Variants in ROCK2 observed in about 807,000 individuals in gnomAD.
The protein encoded by ROCK2 is Rho associated coiled-coil containing protein kinase 2.
ROCK2 carries 61 observed loss-of-function variants against 195.1 expected under a neutral mutation model. The observed-to-expected ratio is 0.31, with a 90% CI of 0.25 to 0.39. ROCK2 has a LOEUF of 0.39. ROCK2 is among the 10% of genes least tolerant of loss of function. The probability of loss-of-function intolerance (pLI) is 1.00; values close to 1 mark genes in which losing one functional copy is unlikely to be tolerated. For missense variants in ROCK2, 1,109 were observed against 1,637.4 expected, an observed-to-expected ratio of 0.68 and a Z score of 5.57; for synonymous variants, 504 against 545.5, an observed-to-expected ratio of 0.92 and a Z score of 1.06.
chr2:11,225,591 CA>C (rs1334466385), intron 6 of ROCK2, among the ~76,000 whole-genome samples: 1 of 152,092 alleles, frequency 6.6e-6, no homozygotes, highest in Non-Finnish European at 1.5e-5. Context: ...CTTCCTGCCT[CA>C]GCCTCCTGAA....
chr2:11,273,595 G>C (rs1450886249), intron 3 of ROCK2, among the ~76,000 whole-genome samples: 1 of 152,054 alleles, frequency 6.6e-6, no homozygotes, highest in Non-Finnish European at 1.5e-5. Context: ...ATGGAGTATG[G>C]AAATACAGTA....
intron 1 of ROCK2, among the ~76,000 whole-genome samples, chr2:11,303,591 ATGT>A (rs971522759): frequency 6.6e-6 from 1 of 152,076 alleles, no homozygotes; most frequent in Admixed American, 6.5e-5. Context: ...GCATGGAAAC[ATGT>A]TGTTATTTCT....
At chr2:11,272,762 C>T (rs1238669752) in intron 3 of ROCK2, among the ~76,000 whole-genome samples, 2 of 150,288 alleles carry the variant, frequency 1.3e-5, no homozygotes, top group South Asian at 2.1e-4. Context: ...CCCAGCTACT[C>T]GGGAGGCTGA....
chr2:11,337,194 G>A (rs543479206), intron 1 of ROCK2, among the ~76,000 whole-genome samples: 5 of 151,356 alleles, frequency 3.3e-5, no homozygotes, highest in African/African-American at 4.8e-5. Context: ...ACAGTGAACC[G>A]AGATTGTGCC....
chr2:11,326,699 G>T (rs1668560778), intron 1 of ROCK2, among the ~76,000 whole-genome samples: 1 of 152,170 alleles, frequency 6.6e-6, no homozygotes, highest in Non-Finnish European at 1.5e-5. Flanking sequence ...TTAAGAGAGA[G>T]ATTAAAGACA....
At chr2:11,202,332 CAT>C (rs1362273579) in intron 20 of ROCK2, among the ~76,000 whole-genome samples, 1 of 152,000 alleles carries the variant, frequency 6.6e-6, no homozygotes, top group Non-Finnish European at 1.5e-5. Flanking sequence ...CCTGAGGCCA[CAT>C]GACTTGTAAT....
chr2:11,274,181 A>C (rs932125687), intron 3 of ROCK2, among the ~76,000 whole-genome samples: 7 of 152,076 alleles, frequency 4.6e-5, no homozygotes, highest in African/African-American at 1.7e-4. Flanking sequence ...TTAAAAACGA[A>C]ACTTTACAAT....
intron 19 of ROCK2, 59 bp from the exon 20 acceptor site, chr2:11,207,969 T>C (rs1664113911): frequency 1.6e-6 from 2 of 1,265,408 alleles, no homozygotes; most frequent in South Asian, 2.4e-5. Flanking sequence ...TTCTAATCAA[T>C]GAAGTTGGTA....
chr2:11,342,933 A>G (rs1341562199), intron 1 of ROCK2, among the ~76,000 whole-genome samples: 1 of 152,210 alleles, frequency 6.6e-6, no homozygotes, highest in Non-Finnish European at 1.5e-5. Flanking sequence ...TCTGACCAAA[A>G]GCCAGTCCGT....
chr2:11,344,336 AGCCCGGCCCG>A lies in ROCK2; in HGVS notation c.-210_-201del. 8.7e-7 allele frequency: 1 copy of A among 1,148,400 alleles called. No homozygotes were observed. Among genetic ancestry groups the A allele is most frequent in the East Asian group, 3.7e-5 (1 of 26,882 alleles). The allele number at this position is 1,148,400 out of a possible 1,614,324, so 71.1% of individuals were successfully genotyped here. ...GGGCCCGCCCGGCCCAGCCCGGCCC[AGCCCGGCCCG>A]GCCCTGCCGGGAGCGGCGGGGAACA... On this transcript the variant is annotated 5_prime_UTR_variant, in exon 1 of 33. Coordinates refer to ENST00000315872, the MANE Select transcript of ROCK2 (RefSeq NM_004850.5). This position sits in a 1 kb window ranked among gnomAD's most constrained non-coding sequence, Gnocchi z 5.4.
intron 3 of ROCK2, among the ~76,000 whole-genome samples, chr2:11,253,546 T>G (rs6730673): frequency 0.73 from 111,108 of 152,124 alleles, 42,472 homozygotes; most frequent in East Asian, 0.94. Flanking sequence ...TATCATAATT[T>G]GTAATTTTTG....
chr2:11,242,565 C>T (rs1665464649), intron 4 of ROCK2, among the ~76,000 whole-genome samples: 1 of 152,072 alleles, frequency 6.6e-6, no homozygotes, highest in Non-Finnish European at 1.5e-5. Context: ...CACCCTAAAT[C>T]TTATCAAGTG....
intron 1 of ROCK2, among the ~76,000 whole-genome samples, chr2:11,301,510 C>T (rs529158128): frequency 1.2e-4 from 18 of 152,182 alleles, no homozygotes; most frequent in African/African-American, 3.9e-4. Flanking sequence ...GGCGCGGTGG[C>T]TCATGGCTGT....
Position 11,325,159 on chromosome 2 carries a change from G to A in ROCK2, c.141+18837C>T, listed in dbSNP as rs113612533. Among the ~76,000 whole-genome samples, 21 of 152,348 alleles carry A rather than the reference G, an allele frequency of 1.4e-4. No individual in the cohort carries two copies. The East Asian group carries it at 2.7e-3, about 20-fold the overall frequency. On this transcript the variant is annotated intron_variant, in intron 1 of 32. Transcript: ENST00000315872. ...TTGAACTGCACAAGTCTGTTTATAA[G>A]TAGATTTTTTTTCCAATAAGTACAG...
At chr2:11,310,660 C>T (rs758824284) in intron 1 of ROCK2, among the ~76,000 whole-genome samples, 1 of 151,978 alleles carries the variant, frequency 6.6e-6, no homozygotes, top group South Asian at 2.1e-4. Context: ...TACAAATCCA[C>T]GCTCTGCAAA....
At chr2:11,216,339 C>T in intron 12 of ROCK2, 133 bp from the exon 13 acceptor site, 1 of 676,398 alleles carries the variant, frequency 1.5e-6, no homozygotes. Context: ...TGCTCTGTTG[C>T]CCAGACTGGA....
At chr2:11,200,107 T>C (rs1663798425) in intron 23 of ROCK2, among the ~76,000 whole-genome samples, 1 of 152,190 alleles carries the variant, frequency 6.6e-6, no homozygotes, top group Admixed American at 6.5e-5. Context: ...TGCTTATATA[T>C]TTAGGTTTTC....
intron 1 of ROCK2, among the ~76,000 whole-genome samples, chr2:11,289,752 T>G (rs188747362): frequency 6.6e-6 from 1 of 152,326 alleles, no homozygotes; most frequent in South Asian, 2.1e-4. Context: ...CCCCCGTATC[T>G]TCCCCAAAAG....
At chr2:11,255,652 GCTCA>G (rs1371535442) in intron 3 of ROCK2, among the ~76,000 whole-genome samples, 2 of 151,034 alleles carry the variant, frequency 1.3e-5, no homozygotes, top group East Asian at 3.8e-4. Flanking sequence ...GGGTGCAGTG[GCTCA>G]CACCTGTGAT....
Sources: allele counts gnomAD v4.1 joint callset (sites outside exome capture counted in the v4.1 genomes callset), GRCh38; gene constraint gnomAD v4.1.1; non-coding constraint Gnocchi (gnomAD v3.1); transcripts MANE v1.5; gene names NCBI Gene and HGNC (gene_info 2026-07-23, HGNC 2026-07-21).